Variants in NUCKS1 observed in about 807,000 individuals in gnomAD.
NUCKS1 encodes the protein nuclear ubiquitous casein and cyclin-dependent kinase substrate 1.
In NUCKS1, 2 loss-of-function variants were observed where a neutral mutation model predicts 33.0. The ratio of observed to expected loss-of-function variants is 0.06; its 90% CI spans 0.02 to 0.19. The LOEUF (loss-of-function observed/expected upper bound fraction) is 0.19, where lower values mean the gene tolerates loss of function less well. Ranked by LOEUF, NUCKS1 falls within the 10% of genes least tolerant of loss-of-function variation. The pLI, the probability that NUCKS1 is intolerant of heterozygous loss-of-function variation, is 1.00. For missense variants in NUCKS1, 201 were observed against 293.6 expected (o/e 0.68, Z 2.31); for synonymous variants, 106 against 102.8 (o/e 1.03, Z -0.19).
intron 1 of NUCKS1, among the ~76,000 whole-genome samples, chr1:205,740,716 T>A (rs1226757802): frequency 1.3e-5 from 2 of 151,870 alleles, no homozygotes; most frequent in African/African-American, 4.8e-5. Context: ...GAGCTCCTAA[T>A]TTTTTCAAAT....
intron 1 of NUCKS1, among the ~76,000 whole-genome samples, chr1:205,734,398 A>G (rs1653985282): frequency 6.6e-6 from 1 of 152,216 alleles, no homozygotes. Context: ...AGCCAGAATG[A>G]TCTCATATGC....
At chr1:205,722,107 A>G (rs1222818649) in intron 4 of NUCKS1, among the ~76,000 whole-genome samples, 1 of 151,268 alleles carries the variant, frequency 6.6e-6, no homozygotes. Context: ...TTGGAGTCTC[A>G]CTCTGTCGCC....
At chr1:205,719,738 G>T in intron 5 of NUCKS1, 62 bp from the exon 6 acceptor site, 2 of 1,550,616 alleles carry the variant, frequency 1.3e-6, no homozygotes, top group Non-Finnish European at 1.7e-6. Flanking sequence ...AGTAAAAAAG[G>T]AAGAGAGTGC....
chr1:205,720,417 C>A, intron 5 of NUCKS1, 84 bp downstream of exon 5: 1 of 1,398,718 alleles, frequency 7.1e-7, no homozygotes, highest in Admixed American at 2.0e-5. Flanking sequence ...TAACATTTAG[C>A]ATCCTAGAAA....
chr1:205,722,860 A>G (rs1671946476), intron 4 of NUCKS1, among the ~76,000 whole-genome samples: 1 of 152,222 alleles, frequency 6.6e-6, no homozygotes, highest in Non-Finnish European at 1.5e-5. Context: ...TCAGTGTTCA[A>G]GTCATCTCTT....
intron 2 of NUCKS1, among the ~76,000 whole-genome samples, chr1:205,728,441 T>C (rs1049750423): frequency 1.1e-4 from 17 of 152,206 alleles, no homozygotes; most frequent in Admixed American, 9.8e-4. Context: ...TAACCATTGA[T>C]AGGAATTTTT....
At position 205,713,931 on chromosome 1, in the gene NUCKS1, CA is replaced by C. The variant is rs890248932; in HGVS notation, c.*4348del. The C allele has an allele frequency of 1.3e-5, 2 of 152,138 alleles. No individual in the cohort carries two copies. The highest frequency in any genetic ancestry group is 4.8e-5 in the African/African-American group (2 of 41,422). The allele number at this position is 152,138 out of a possible 1,614,324, so 9.4% of individuals were successfully genotyped here. A position where few individuals can be genotyped will look rare whatever the true frequency, so the allele number is the denominator to read the frequency against. On this transcript the variant is annotated 3_prime_UTR_variant, in exon 7 of 7. Transcript: ENST00000367142. ...GCAAAATGAAGTCTAAAAGATAAAT[CA>C]AGGCAAACAATTACTGAGAACTTGG...
chr1:205,737,646 C>A (rs186555378), intron 1 of NUCKS1, among the ~76,000 whole-genome samples: 1 of 152,298 alleles, frequency 6.6e-6, no homozygotes, highest in African/African-American at 2.4e-5. Flanking sequence ...TCACAGAATT[C>A]TTTTGCTCTA....
chr1:205,727,591 T>C (rs1653811276), intron 3 of NUCKS1, 109 bp downstream of exon 3: 3 of 749,720 alleles, frequency 4.0e-6, no homozygotes. Context: ...AAGTGGACAG[T>C]AAGTACTTTT....
At chr1:205,748,167 A>T (rs74334086) in intron 1 of NUCKS1, among the ~76,000 whole-genome samples, 3,959 of 152,286 alleles carry the variant, frequency 0.026, 84 homozygotes, top group Non-Finnish European at 0.037. Flanking sequence ...CCACATGGTA[A>T]CATAAAAAAT....
At chr1:205,718,869 G>C (rs1372477561) in intron 6 of NUCKS1, among the ~76,000 whole-genome samples, 1 of 152,194 alleles carries the variant, frequency 6.6e-6, no homozygotes, top group African/African-American at 2.4e-5. Context: ...GAATTAATCT[G>C]ATCAGAAACT....
chr1:205,740,293 C>T (rs1027548029), intron 1 of NUCKS1, among the ~76,000 whole-genome samples: 2 of 151,956 alleles, frequency 1.3e-5, no homozygotes, highest in Non-Finnish European at 2.9e-5. Context: ...GCGTAAACCA[C>T]CACACCTGGC....
At position 205,715,951 on chromosome 1, in the gene NUCKS1, G is replaced by T. The variant is rs1175639392; in HGVS notation, c.*2329C>A. On this transcript the variant is annotated 3_prime_UTR_variant, in exon 7 of 7. Transcript: ENST00000367142. ...CATGCATGATTTGAGGGGAAGACTA[G>T]AGTGTTTTAAATCATCAATAAAAAG... The T allele has an allele frequency of 1.3e-5, 2 of 152,202 alleles. No individual in the cohort carries two copies. The highest frequency in any genetic ancestry group is 2.9e-5 in the Non-Finnish European group (2 of 68,030). The allele number at this position is 152,202 out of a possible 1,614,324, so 9.4% of individuals were successfully genotyped here.
chr1:205,743,825 GAGTT>G (rs918621055), intron 1 of NUCKS1, among the ~76,000 whole-genome samples: 1 of 152,170 alleles, frequency 6.6e-6, no homozygotes, highest in Non-Finnish European at 1.5e-5. Context: ...TGATGACAGT[GAGTT>G]AGTGTACTCA....
At position 205,749,959 on chromosome 1, in the gene NUCKS1, G is replaced by C. The variant is rs1427360692; in HGVS notation, c.15C>G (p.Val5=). MSRP[V]RNRKVVDYSQ... ...CAGGCCTCAGACTCCGCACTGACCTGACAGGCCGCGACATGTTCGCTGTCG... is the reference window on the plus strand; with the variant it reads ...CAGGCCTCAGACTCCGCACTGACCTCACAGGCCGCGACATGTTCGCTGTCG... Residue 5 remains valine (V), a splice_region_variant and synonymous_variant, in exon 1 of 7, where the codon GTC becomes GTG. Coordinates refer to ENST00000367142, the MANE Select transcript of NUCKS1 (RefSeq NM_022731.5). 1 of 1,608,364 alleles carries C rather than the reference G, an allele frequency of 6.2e-7. No individual in the cohort carries two copies. The highest frequency in any genetic ancestry group is 8.5e-7 in the Non-Finnish European group (1 of 1,177,762).
In NUCKS1 at chr1:205,739,997, GTTTT is replaced by G. The variant is rs60866378; in HGVS notation, c.17+9956_17+9959del. ...TACATCATCCTGCTATTTACTTTAG[GTTTT>G]TTTTTTTTTTTTTTTTTGAGAGACA... is the stretch of plus-strand genomic sequence containing the variant. On this transcript the variant is annotated intron_variant, in intron 1 of 6. Coordinates refer to ENST00000367142, the MANE Select transcript of NUCKS1 (RefSeq NM_022731.5). Among the ~76,000 whole-genome samples, 21 of 81,772 alleles carry G rather than the reference GTTTT, an allele frequency of 2.6e-4. No individual in the cohort carries two copies. The South Asian group carries it at 3.2e-3, about 12-fold the overall frequency. 53.6% of individuals were successfully genotyped at this position (81,772 alleles called of 152,430 possible). A position where few individuals can be genotyped will look rare whatever the true frequency, so the allele number is the denominator to read the frequency against.
rs752476044 is a variant in NUCKS1 at position 205,717,496 on chromosome 1, C to CTTT, written c.*781_*783dup. ...AAATCAAGAGTTTTGGCAGCCCCTG[C>CTTT]TTTTTTTTTTTTTTTAGCTCCCTAA... On this transcript the variant is annotated 3_prime_UTR_variant, in exon 7 of 7. Transcript: ENST00000367142. The CTTT allele has an allele frequency of 3.2e-6, 3 of 951,872 alleles. No individual in the cohort carries two copies. Among genetic ancestry groups the CTTT allele is most frequent in the Non-Finnish European group, 3.7e-6 (3 of 810,142 alleles). The allele number at this position is 951,872 out of a possible 1,614,324, so 59.0% of individuals were successfully genotyped here.
At chr1:205,749,804 C>T (rs1337609189) in intron 1 of NUCKS1, among the ~76,000 whole-genome samples, 153 bp downstream of exon 1, 1 of 151,014 alleles carries the variant, frequency 6.6e-6, no homozygotes, top group Non-Finnish European at 1.5e-5. Flanking sequence ...GCCAGCAGGG[C>T]CCCCCACGCT....
At chr1:205,733,092 T>C (rs1194386532) in intron 1 of NUCKS1, among the ~76,000 whole-genome samples, 2 of 152,178 alleles carry the variant, frequency 1.3e-5, no homozygotes, top group African/African-American at 4.8e-5. Context: ...ATAATTAAAA[T>C]ACAGGTTCCG....
Sources: allele counts gnomAD v4.1 joint callset (sites outside exome capture counted in the v4.1 genomes callset), GRCh38; gene constraint gnomAD v4.1.1; transcripts MANE v1.5; gene names NCBI Gene and HGNC (gene_info 2026-07-23, HGNC 2026-07-21).